CCDC102A: variants seen among roughly 807,000 people sequenced by gnomAD.
CCDC102A encodes coiled-coil domain-containing protein 102A.
Under a neutral mutation model 55.5 loss-of-function variants are expected in CCDC102A, and 40 were observed. The observed-to-expected ratio is 0.72, with a 90% CI of 0.56 to 0.94. The LOEUF is 0.94. Among genes scored for constraint, CCDC102A ranks in the 40% least tolerant of loss-of-function variants. The pLI, the probability that CCDC102A is intolerant of heterozygous loss-of-function variation, is 0.00. For synonymous variants in CCDC102A, 323 were observed against 339.0 expected, an observed-to-expected ratio of 0.95 and a Z score of 0.52; for missense variants, 779 against 768.6, an observed-to-expected ratio of 1.01 and a Z score of -0.16.
In CCDC102A at chr16:57,529,010, G is replaced by A; in HGVS notation, c.168C>T (p.Pro56=). 9.0e-7 allele frequency: 1 copy of A among 1,106,854 alleles called. No individual in the cohort carries two copies. Among genetic ancestry groups the A allele is most frequent in the Non-Finnish European group, 1.1e-6 (1 of 906,942 alleles). 68.6% of individuals were successfully genotyped at this position (1,106,854 alleles called of 1,614,324 possible). The change falls in exon 2 of 9, where the codon CCC becomes CCT. Residue 56 remains proline, a synonymous_variant. Transcript: ENST00000258214. This position sits in a 1 kb window ranked among gnomAD's most constrained non-coding sequence, Gnocchi z 4.1. ...TPSPGPPPAL[P]LPPAPALLAD... is the part of the protein sequence containing the mutation. The stretch of plus-strand genomic sequence containing the variant: ...CCAGCAGCGCGGGCGCGGGGGGCAG[G>A]GGCAGTGCGGGCGGCGGCCCGGGCG...
intron 8 of CCDC102A, among the ~76,000 whole-genome samples, chr16:57,514,873 A>G (rs1390689247): frequency 6.6e-6 from 1 of 152,048 alleles, no homozygotes; most frequent in Non-Finnish European, 1.5e-5. Context: ...CAGGGTTGGG[A>G]GAGGGAGGCA....
At position 57,518,149 on chromosome 16, in the gene CCDC102A, C is replaced by T. The variant is rs1176836051; in HGVS notation, c.1167G>A (p.Leu389=). ...RAQVGDLEEA[L]ARRRRQTASA... is the part of the protein sequence containing the mutation. Reference sequence around the variant, plus strand: ...TGGCTGTTTGCCGCCGCCGCCGGGCCAGCGCCTCCTCCAGGTCTCCGACCT... The same window carrying T: ...TGGCTGTTTGCCGCCGCCGCCGGGCTAGCGCCTCCTCCAGGTCTCCGACCT... The change falls in exon 6 of 9, where the codon CTG becomes CTA. Residue 389 remains leucine, a synonymous_variant. Coordinates refer to ENST00000258214, the MANE Select transcript of CCDC102A (RefSeq NM_033212.4). 1.7e-5 allele frequency: 28 copies of T among 1,611,500 alleles called. No individual in the cohort carries two copies. The highest frequency in any genetic ancestry group is 2.4e-5 in the Non-Finnish European group (28 of 1,179,808).
intron 3 of CCDC102A, among the ~76,000 whole-genome samples, chr16:57,521,806 T>A (rs2032056536): frequency 6.6e-6 from 1 of 152,226 alleles, no homozygotes; most frequent in Admixed American, 6.5e-5. Flanking sequence ...TGCTCACCAA[T>A]GGCTGAGCTC....
At chr16:57,533,585 C>T (rs1023753042) in intron 1 of CCDC102A, among the ~76,000 whole-genome samples, 9 of 150,866 alleles carry the variant, frequency 6.0e-5, no homozygotes, top group African/African-American at 9.8e-5. Context: ...CCCAGTAACG[C>T]GCACACTCAC....
At chr16:57,526,174 C>A in intron 2 of CCDC102A, 47 bp from the exon 3 acceptor site, 2 of 1,422,600 alleles carry the variant, frequency 1.4e-6, no homozygotes, top group Non-Finnish European at 1.9e-6. Context: ...CCAAGCCAGG[C>A]CCTGGGTCTG....
In CCDC102A at chr16:57,536,365, G is replaced by A. The variant is rs554519575; in HGVS notation, c.-148+135C>T. On this transcript the variant is annotated intron_variant, in intron 1 of 8. Coordinates refer to ENST00000258214, the MANE Select transcript of CCDC102A (RefSeq NM_033212.4). ...CTGCTCTGAGTTCGGGGGTTGCCGC[G>A]GGCGCCCCGACTGTGTCTGCTCCTC... The A allele has an allele frequency of 9.2e-5, 14 of 152,326 alleles. No homozygotes were observed. The East Asian group carries it at 2.7e-3, about 29-fold the overall frequency. The allele number at this position is 152,326 out of a possible 1,614,324, so 9.4% of individuals were successfully genotyped here.
At position 57,529,340 on chromosome 16, in the gene CCDC102A, A is replaced by C; in HGVS notation, c.-147-16T>G. On this transcript the variant is annotated splice_polypyrimidine_tract_variant and intron_variant, in intron 1 of 8. Coordinates refer to ENST00000258214, the MANE Select transcript of CCDC102A (RefSeq NM_033212.4). This position sits in a 1 kb window ranked among gnomAD's most constrained non-coding sequence, Gnocchi z 4.1. ...CTCCTCGGACCTACGGGAGAACACA[A>C]CCGTTATTGGACTGCGACCACCGTC... is the stretch of plus-strand genomic sequence containing the variant. 3 of 988,014 alleles carry C rather than the reference A, an allele frequency of 3.0e-6. No homozygotes were observed. The highest frequency in any genetic ancestry group is 3.8e-6 in the Non-Finnish European group (3 of 798,580). 61.2% of individuals were successfully genotyped at this position (988,014 alleles called of 1,614,324 possible).
Position 57,512,807 on chromosome 16 carries a change from G to C in CCDC102A, c.1587C>G (p.Thr529=). ...FGKIRSARFG[T]EEAEDGTSDL... ...CACTGGTTCCATCCTCGGCCTCCTC[G>C]GTGCCAAAGCGAGCACTGCGGATCT... is the stretch of plus-strand genomic sequence containing the variant. Residue 529 remains threonine (T), a synonymous_variant, in exon 9 of 9, where the codon ACC becomes ACG. Transcript: ENST00000258214. 1 of 1,614,054 alleles carries C rather than the reference G, an allele frequency of 6.2e-7. No individual in the cohort carries two copies. Among genetic ancestry groups the C allele is most frequent in the African/African-American group, 1.3e-5 (1 of 75,054 alleles).
Position 57,525,912 on chromosome 16 carries a change from G to C in CCDC102A, c.801C>G (p.Leu267=). ...CTCCCACGACTCACTCTCGCTCCTT[G>C]AGCAGCACCTTCTGGGACTCATCCA... is the stretch of plus-strand genomic sequence containing the variant. ...LRLDESQKVL[L]KEREDKLALS... The change falls in exon 3 of 9, where the codon CTC becomes CTG. Residue 267 remains leucine, a synonymous_variant. Transcript: ENST00000258214. 2 of 1,612,180 alleles carry C rather than the reference G, an allele frequency of 1.2e-6. No individual in the cohort carries two copies.
chr16:57,533,836 C>G (rs1347476018), intron 1 of CCDC102A, among the ~76,000 whole-genome samples: 5 of 152,168 alleles, frequency 3.3e-5, no homozygotes, highest in African/African-American at 1.2e-4. Flanking sequence ...CGTGGAGATG[C>G]CCCAGCTGCC....
chr16:57,522,365 G>T (rs1215219865), intron 3 of CCDC102A, among the ~76,000 whole-genome samples: 2 of 152,074 alleles, frequency 1.3e-5, no homozygotes, highest in African/African-American at 2.4e-5. Context: ...GGTGGTCAGG[G>T]CTCCAGAGCA....
chr16:57,526,661 C>T (rs567447043), intron 2 of CCDC102A, among the ~76,000 whole-genome samples: 4 of 152,228 alleles, frequency 2.6e-5, no homozygotes, highest in East Asian at 1.9e-4. Flanking sequence ...CCTTCTTCTC[C>T]GCCCCGCCCA....
In CCDC102A at chr16:57,512,529, CGTGT is replaced by C. The variant is rs1555518812; in HGVS notation, c.*208_*211del. ...TTCTGGGTGTGCGCGCGCGCGCGCG[CGTGT>C]GTGTATATATATATATAAAACATAG... On this transcript the variant is annotated 3_prime_UTR_variant, in exon 9 of 9. Coordinates refer to ENST00000258214, the MANE Select transcript of CCDC102A (RefSeq NM_033212.4). The C allele has an allele frequency of 4.4e-5, 21 of 475,824 alleles. No individual in the cohort carries two copies. Among genetic ancestry groups the C allele is most frequent in the Middle Eastern group, 5.4e-4 (1 of 1,862 alleles). The allele number at this position is 475,824 out of a possible 1,614,324, so 29.5% of individuals were successfully genotyped here.
intron 3 of CCDC102A, among the ~76,000 whole-genome samples, chr16:57,524,426 T>C (rs903179392): frequency 6.6e-6 from 1 of 152,022 alleles, no homozygotes; most frequent in Non-Finnish European, 1.5e-5. Context: ...ACAAAGAACA[T>C]GCGCCAGAGG....
chr16:57,535,814 T>A (rs1006864925), intron 1 of CCDC102A, among the ~76,000 whole-genome samples: 1 of 152,116 alleles, frequency 6.6e-6, no homozygotes, highest in Non-Finnish European at 1.5e-5. Context: ...CTGAACGCTC[T>A]AACAGGTGGG....
intron 2 of CCDC102A, among the ~76,000 whole-genome samples, chr16:57,527,008 G>T (rs2032149170): frequency 6.6e-6 from 1 of 152,228 alleles, no homozygotes; most frequent in Admixed American, 6.5e-5. Context: ...CAGCCCTCTG[G>T]CCTGTGACCG....
intron 4 of CCDC102A, among the ~76,000 whole-genome samples, chr16:57,520,598 A>AACAT (rs1450031945): frequency 0.011 from 1,012 of 95,988 alleles, 14 homozygotes; most frequent in African/African-American, 0.045. Flanking sequence ...TAACATAAAT[A>AACAT]AAATAAAATA....
intron 1 of CCDC102A, among the ~76,000 whole-genome samples, chr16:57,533,261 C>G (rs1469210354): frequency 6.6e-6 from 1 of 152,096 alleles, no homozygotes; most frequent in Non-Finnish European, 1.5e-5. Flanking sequence ...GGCCCAGGGT[C>G]CCCTGGAGCG....
rs1012451053 is a variant in CCDC102A, at chr16:57,512,523, C to T, written c.*218G>A. ...AAAGACTTCTGGGTGTGCGCGCGCG[C>T]GCGCGCGTGTGTGTATATATATATA... On this transcript the variant is annotated 3_prime_UTR_variant, in exon 9 of 9. Transcript: ENST00000258214. 4.8e-5 allele frequency: 23 copies of T among 476,872 alleles called. No homozygotes were observed. Among genetic ancestry groups the T allele is most frequent in the African/African-American group, 3.1e-4 (15 of 48,604 alleles). The allele number at this position is 476,872 out of a possible 1,614,324, so 29.5% of individuals were successfully genotyped here.
Sources: gnomAD v4.1 joint callset for allele counts (sites outside exome capture counted in the v4.1 genomes callset) on GRCh38, gnomAD v4.1.1 for gene constraint, Gnocchi (gnomAD v3.1) non-coding constraint, MANE v1.5 for transcripts, NCBI Gene and HGNC (gene_info 2026-07-23, HGNC 2026-07-21) for gene names.